The following GARNL3 variants were observed in gnomAD, a reference collection of about 807,000 sequenced individuals.
The protein encoded by GARNL3 is GTPase activating Rap/RanGAP domain like 3.
Under a neutral mutation model 125.0 loss-of-function variants are expected in GARNL3, and 63 were observed. That is an observed-to-expected ratio of 0.50 (90% CI 0.41 to 0.62). The LOEUF is 0.62. Among genes scored for constraint, GARNL3 ranks in the 20% least tolerant of loss-of-function variants. The probability of loss-of-function intolerance (pLI) is 0.00; values close to 1 mark genes in which losing one functional copy is unlikely to be tolerated. For synonymous variants in GARNL3, 439 were observed against 457.5 expected, an observed-to-expected ratio of 0.96 and a Z score of 0.52; for missense variants, 994 against 1,244.0, an observed-to-expected ratio of 0.80 and a Z score of 3.02.
chr9:127,380,269 A>C (rs1690013112), intron 22 of GARNL3, among the ~76,000 whole-genome samples: 1 of 151,654 alleles, frequency 6.6e-6, no homozygotes, highest in Non-Finnish European at 1.5e-5. Context: ...ATAAGGTTGC[A>C]GATGATTTTT....
intron 2 of GARNL3, among the ~76,000 whole-genome samples, chr9:127,306,498 C>T (rs2064957723): frequency 2.0e-5 from 3 of 152,078 alleles, no homozygotes; most frequent in South Asian, 2.1e-4. Context: ...GAGGCCGAGG[C>T]GGGCGGATCA....
intron 1 of GARNL3, among the ~76,000 whole-genome samples, chr9:127,278,755 G>T (rs986944356): frequency 3.4e-4 from 51 of 152,130 alleles, no homozygotes; most frequent in African/African-American, 1.2e-3. Flanking sequence ...TCAAGATGTA[G>T]CAGGGCCATC....
At chr9:127,287,697 A>G (rs183213494) in intron 1 of GARNL3, among the ~76,000 whole-genome samples, 23 of 152,152 alleles carry the variant, frequency 1.5e-4, no homozygotes, top group Non-Finnish European at 2.6e-4. Flanking sequence ...CCTCCCACCC[A>G]TGCTCTCCTC....
At chr9:127,285,907 C>T (rs980850427) in intron 1 of GARNL3, among the ~76,000 whole-genome samples, 3 of 151,890 alleles carry the variant, frequency 2.0e-5, no homozygotes, top group Non-Finnish European at 4.4e-5. Context: ...TTTATGTTAC[C>T]GATCAAGTCT....
Position 127,344,291 on chromosome 9 carries a change from G to T in GARNL3, c.1308G>T (p.Ala436=). 1 of 1,614,086 alleles carries T rather than the reference G, an allele frequency of 6.2e-7. No homozygotes were observed. Among genetic ancestry groups the T allele is most frequent in the Non-Finnish European group, 8.5e-7 (1 of 1,179,950 alleles). The stretch of plus-strand genomic sequence containing the variant: ...TCTTACCAGAGTCACCCAAGTCAGC[G>T]CGGAAGAAAGAGGAGGCCCGCCAGG... ...SDVLPESPKS[A]RKKEEARQAE... is the part of the protein sequence containing the mutation. Residue 436 remains alanine (A), a synonymous_variant, in exon 15 of 28, where the codon GCG becomes GCT. Transcript: ENST00000373387.
Position 127,392,331 on chromosome 9 carries a change from T to C in GARNL3, c.2871-752T>C, listed in dbSNP as rs1832912351. Among the ~76,000 whole-genome samples, 1 of 152,190 alleles carries C rather than the reference T, an allele frequency of 6.6e-6. No homozygotes were observed. The highest frequency in any genetic ancestry group is 1.9e-4 in the East Asian group (1 of 5,190). ...GAGAAGAAGTGACGGGGCTGGCACA[T>C]AGAAGGTCTACTCTGAGAGAGGGGT... On this transcript the variant is annotated intron_variant, in intron 27 of 27. Transcript: ENST00000373387. This position sits in a 1 kb window ranked among gnomAD's most constrained non-coding sequence, Gnocchi z 5.2.
At chr9:127,357,115 G>A in intron 20 of GARNL3, 104 bp from the exon 21 acceptor site, 1 of 1,152,452 alleles carries the variant, frequency 8.7e-7, no homozygotes, top group Non-Finnish European at 1.3e-6. Flanking sequence ...CAGGAGCCTG[G>A]AGAGGGTGCC....
At chr9:127,299,144 G>A (rs549770169) in intron 2 of GARNL3, among the ~76,000 whole-genome samples, 64 of 151,962 alleles carry the variant, frequency 4.2e-4, no homozygotes, top group Non-Finnish European at 3.1e-4. Flanking sequence ...GTGAAACCCC[G>A]TCTCTACTAA....
At chr9:127,225,645 G>A (rs2062894878) in intron 1 of GARNL3, among the ~76,000 whole-genome samples, 1 of 152,004 alleles carries the variant, frequency 6.6e-6, no homozygotes, top group South Asian at 2.1e-4. Flanking sequence ...GGCCCCGCAC[G>A]CCCGCGGCTT....
chr9:127,232,724 A>G (rs970840561), intron 1 of GARNL3, among the ~76,000 whole-genome samples: 5 of 152,236 alleles, frequency 3.3e-5, no homozygotes, highest in Non-Finnish European at 7.3e-5. Context: ...GGTTCCTGCA[A>G]TTGCAAAATG....
intron 3 of GARNL3, among the ~76,000 whole-genome samples, chr9:127,312,423 A>G (rs945392525): frequency 3.3e-5 from 5 of 152,154 alleles, no homozygotes; most frequent in African/African-American, 9.6e-5. Flanking sequence ...TCAATGAGAT[A>G]TGCAGGAATA....
At chr9:127,317,819 A>G (rs1003882359) in intron 4 of GARNL3, among the ~76,000 whole-genome samples, 2 of 152,220 alleles carry the variant, frequency 1.3e-5, no homozygotes, top group Admixed American at 6.5e-5. Flanking sequence ...TACCTAAGAC[A>G]CTGAAGACCT....
intron 2 of GARNL3, among the ~76,000 whole-genome samples, chr9:127,255,983 T>C (rs1029887013): frequency 6.6e-6 from 1 of 152,230 alleles, no homozygotes; most frequent in Non-Finnish European, 1.5e-5. Flanking sequence ...GGAAACCTTA[T>C]GAACCTGGAG....
intron 1 of GARNL3, among the ~76,000 whole-genome samples, chr9:127,227,002 A>G (rs1456884772): frequency 6.6e-6 from 1 of 152,250 alleles, no homozygotes; most frequent in Admixed American, 6.5e-5. Flanking sequence ...GCCTCTAGGC[A>G]CCTGTGGCCA....
chr9:127,379,434 A>G (rs1832123604), intron 22 of GARNL3, among the ~76,000 whole-genome samples: 2 of 152,194 alleles, frequency 1.3e-5, no homozygotes, highest in South Asian at 4.1e-4. Flanking sequence ...GGTCACTCAG[A>G]CTGGCTGAGA....
chr9:127,348,948 A>G lies in GARNL3; in HGVS notation c.1456A>G (p.Ser486Gly). 6.2e-7 allele frequency: 1 copy of G among 1,613,316 alleles called. No individual in the cohort carries two copies. Among genetic ancestry groups the G allele is most frequent in the South Asian group, 1.1e-5 (1 of 90,930 alleles). Residue 486 changes from serine (S) to glycine (G), a missense_variant, in exon 17 of 28, where the codon AGT becomes GGT. By Grantham distance (56) the Ser-to-Gly change is moderately conservative. This residue lies in a region of GARNL3 where 728 missense variants were observed against 865.7 expected (regional missense o/e 0.84). Coordinates refer to ENST00000373387, the MANE Select transcript of GARNL3 (RefSeq NM_032293.5). Reference protein sequence around the residue: ...KEPWEPQCFCSNFPHEAVCAD... With the variant: ...KEPWEPQCFCGNFPHEAVCAD... ...GCCGTGGGAGCCCCAGTGTTTCTGC[A>G]GTAATTTCCCTCATGAAGCCGTGTG...
intron 22 of GARNL3, among the ~76,000 whole-genome samples, chr9:127,380,200 A>ATGTGTATG (rs1554737662): frequency 1.4e-5 from 2 of 141,642 alleles, no homozygotes; most frequent in Non-Finnish European, 3.1e-5. Flanking sequence ...CTCAAAAAAT[A>ATGTGTATG]TGTGTGTGTG....
chr9:127,327,539 A>G (rs775710048), intron 7 of GARNL3, among the ~76,000 whole-genome samples: 2 of 152,192 alleles, frequency 1.3e-5, no homozygotes, highest in Non-Finnish European at 2.9e-5. Context: ...GGTGGGATGC[A>G]GCAGAGAGCA....
chr9:127,242,358 T>A lies in GARNL3; in HGVS notation c.-28-721T>A, dbSNP rs994091699. On this transcript the variant is annotated intron_variant, in intron 1 of 10. Transcript: ENST00000439286. This position sits in a 1 kb window ranked among gnomAD's most constrained non-coding sequence, Gnocchi z 4.6. ...AGAGGTGAGTGAAGAGCCCTGCTAATTGGCTCAGAAAATAATTCCAGTCAG... is the reference window on the plus strand; with the variant it reads ...AGAGGTGAGTGAAGAGCCCTGCTAAATGGCTCAGAAAATAATTCCAGTCAG... Among the ~76,000 whole-genome samples, 19 of 152,188 alleles carry A rather than the reference T, an allele frequency of 1.2e-4. No individual in the cohort carries two copies. The highest frequency in any genetic ancestry group is 4.6e-4 in the African/African-American group (19 of 41,438).
Sources: allele counts gnomAD v4.1 joint callset (sites outside exome capture counted in the v4.1 genomes callset), GRCh38; gene constraint gnomAD v4.1.1; regional missense constraint gnomAD v4.1.1; non-coding constraint Gnocchi (gnomAD v3.1); transcripts MANE v1.5; gene names NCBI Gene and HGNC (gene_info 2026-07-23, HGNC 2026-07-21).